NDUFAF5: variants seen among roughly 807,000 people sequenced by gnomAD.
NDUFAF5 encodes arginine-hydroxylase NDUFAF5, mitochondrial.
A neutral mutation model predicts 48.9 loss-of-function variants in NDUFAF5; 34 were observed. That is an observed-to-expected ratio of 0.70 (90% confidence interval 0.53 to 0.93). NDUFAF5 has a LOEUF of 0.93. NDUFAF5 is among the 40% of genes least tolerant of loss of function. The pLI is 0.00. For missense variants in NDUFAF5, 428 were observed against 427.5 expected, an observed-to-expected ratio of 1.00 and a Z score of -0.01; for synonymous variants, 153 against 150.6, an observed-to-expected ratio of 1.02 and a Z score of -0.12.
intron 7 of NDUFAF5, among the ~76,000 whole-genome samples, chr20:13,806,573 T>C (rs1030817779): frequency 1.3e-5 from 2 of 152,222 alleles, no homozygotes; most frequent in South Asian, 4.1e-4. Context: ...AAATAAGGCC[T>C]TCAACAAAGC....
chr20:13,813,849 T>A (rs921215112), intron 8 of NDUFAF5, among the ~76,000 whole-genome samples: 1 of 152,122 alleles, frequency 6.6e-6, no homozygotes, highest in African/African-American at 2.4e-5. Context: ...CAGTATTCCT[T>A]GAGTATATAG....
At position 13,785,250 on chromosome 20, in the gene NDUFAF5, G is replaced by A; in HGVS notation, c.182G>A (p.Arg61Gln). 1 of 1,613,100 alleles carries A rather than the reference G, an allele frequency of 6.2e-7. No individual in the cohort carries two copies. The highest frequency in any genetic ancestry group is 8.5e-7 in the Non-Finnish European group (1 of 1,179,642). Reference sequence around the variant, plus strand: ...AGGAAACAGAAGAACTGGGCAGCCCGGCAGCCCGAGCCGACCAAATTTGAC... The same window carrying A: ...AGGAAACAGAAGAACTGGGCAGCCCAGCAGCCCGAGCCGACCAAATTTGAC... ...LKRKQKNWAA[R>Q]QPEPTKFDYL... The change falls in exon 1 of 11, where the codon CGG becomes CAG. Residue 61 changes from arginine to glutamine, a missense_variant. Transcript: ENST00000378106.
Position 13,818,222 on chromosome 20 carries a change from A to G in NDUFAF5, c.*1012A>G, listed in dbSNP as rs1363435754. The G allele has an allele frequency of 1.3e-5, 6 of 454,006 alleles. No individual in the cohort carries two copies. Among genetic ancestry groups the G allele is most frequent in the Admixed American group, 9.4e-5 (4 of 42,562 alleles). The allele number at this position is 454,006 out of a possible 1,614,324, so 28.1% of individuals were successfully genotyped here. A position where few individuals can be genotyped will look rare whatever the true frequency, so the allele number is the denominator to read the frequency against. On this transcript the variant is annotated 3_prime_UTR_variant, in exon 11 of 11. Transcript: ENST00000378106. ...GTACGTAGCACATGGGACTTTCCAC[A>G]TAGTAGATATTCAGTTACATTTTGA...
intron 8 of NDUFAF5, chr20:13,814,348 C>T: frequency 1.3e-6 from 1 of 763,266 alleles, no homozygotes; most frequent in South Asian, 1.4e-5. Context: ...TGGGATTTTA[C>T]ATTTGTGGTG....
chr20:13,796,199 T>C (rs1270387662), intron 5 of NDUFAF5, among the ~76,000 whole-genome samples: 1 of 152,232 alleles, frequency 6.6e-6, no homozygotes, highest in East Asian at 1.9e-4. Context: ...GAAAGTCTTA[T>C]GTTCTGGGAA....
In NDUFAF5 at chr20:13,794,865, A is replaced by G. The variant is rs202018236; in HGVS notation, c.403A>G (p.Thr135Ala). 8 of 1,611,326 alleles carry G rather than the reference A, an allele frequency of 5.0e-6. No individual in the cohort carries two copies. In the East Asian group the frequency reaches 1.3e-4, roughly 27 times the overall value. Residue 135 changes from threonine (T) to alanine (A), a missense_variant, in exon 5 of 11, where the codon ACT becomes GCT. Transcript: ENST00000378106. ...LKNSSETEIP[T>A]VSVLADEEFL... ...AAATTCCTCAGAAACAGAAATACCT[A>G]CTGTCAGCGTTTTAGCTGATGAAGA...
chr20:13,814,382 G>C (rs956716936), intron 8 of NDUFAF5: 2 of 1,035,282 alleles, frequency 1.9e-6, no homozygotes, highest in African/African-American at 3.3e-5. Flanking sequence ...AATGGTTGTG[G>C]TGTGTCTCAT....
rs1986867030 is a variant in NDUFAF5, at chr20:13,819,939, A to G, written c.*2729A>G. Reference sequence around the variant, plus strand: ...GGAAAGAGGAACTAGGTTCTGGGAGAAAGACTCCTTTGGAATAAAATTCAT... The same window carrying G: ...GGAAAGAGGAACTAGGTTCTGGGAGGAAGACTCCTTTGGAATAAAATTCAT... On this transcript the variant is annotated 3_prime_UTR_variant, in exon 11 of 11. Transcript: ENST00000378106. 1 of 152,282 alleles carries G rather than the reference A, an allele frequency of 6.6e-6. No homozygotes were observed. The highest frequency in any genetic ancestry group is 2.1e-4 in the South Asian group (1 of 4,828). 9.4% of individuals were successfully genotyped at this position (152,282 alleles called of 1,614,324 possible). A position where few individuals can be genotyped will look rare whatever the true frequency, so the allele number is the denominator to read the frequency against.
At chr20:13,805,414 T>C (rs1317139816) in intron 7 of NDUFAF5, among the ~76,000 whole-genome samples, 1 of 152,210 alleles carries the variant, frequency 6.6e-6, no homozygotes, top group Non-Finnish European at 1.5e-5. Context: ...TTTAAAAGCC[T>C]ACATTTCTAT....
At chr20:13,789,271 T>C (rs1981803077) in intron 3 of NDUFAF5, among the ~76,000 whole-genome samples, 1 of 151,808 alleles carries the variant, frequency 6.6e-6, no homozygotes, top group Non-Finnish European at 1.5e-5. Flanking sequence ...TTTGAACGAT[T>C]CTCCTGCCGC....
intron 8 of NDUFAF5, among the ~76,000 whole-genome samples, chr20:13,809,818 A>C (rs6110051): frequency 7.0e-4 from 107 of 152,316 alleles, no homozygotes; most frequent in African/African-American, 2.5e-3. Context: ...TTCATCCCAG[A>C]GATGTTTAGG....
At chr20:13,802,666 C>T (rs1379522240) in intron 7 of NDUFAF5, among the ~76,000 whole-genome samples, 2 of 79,866 alleles carry the variant, frequency 2.5e-5, no homozygotes, top group Non-Finnish European at 4.7e-5. Context: ...GTGAAATTCC[C>T]GTCTCAAAAA....
intron 7 of NDUFAF5, among the ~76,000 whole-genome samples, chr20:13,806,488 G>T (rs571396494): frequency 3.9e-5 from 6 of 152,196 alleles, no homozygotes; most frequent in Admixed American, 3.9e-4. Flanking sequence ...CAGCCTGGGC[G>T]CTGGGTGGCA....
At position 13,794,907 on chromosome 20, in the gene NDUFAF5, G is replaced by T. The variant is rs1982940735; in HGVS notation, c.445G>T (p.Glu149Ter). 3 of 1,612,994 alleles carry T rather than the reference G, an allele frequency of 1.9e-6. No homozygotes were observed. The South Asian group carries it at 3.3e-5, about 18-fold the overall frequency. ...LADEEFLPFK[E>*]NTFDLVVSSL... ...TGATGAAGAATTCCTTCCCTTCAAA[G>T]AAAATACATTTGACCTGGTGGTTAG... Residue 149 changes from glutamate to a stop codon, truncating the protein, a stop_gained, in exon 5 of 11, where the codon GAA becomes TAA. Coordinates refer to ENST00000378106, the MANE Select transcript of NDUFAF5 (RefSeq NM_024120.5). LOFTEE classifies it high-confidence loss of function.
chr20:13,802,797 C>T (rs905628371), intron 7 of NDUFAF5, among the ~76,000 whole-genome samples: 8 of 152,058 alleles, frequency 5.3e-5, no homozygotes, highest in African/African-American at 1.9e-4. Context: ...TTCCCCATCA[C>T]TCTACTCCCA....
At chr20:13,794,290 T>C (rs1394206045) in intron 4 of NDUFAF5, among the ~76,000 whole-genome samples, 1 of 152,128 alleles carries the variant, frequency 6.6e-6, no homozygotes, top group Non-Finnish European at 1.5e-5. Context: ...TTTTTTCTTT[T>C]TTTTTTTCTG....
At chr20:13,787,054 C>T in intron 1 of NDUFAF5, 1 of 518,398 alleles carries the variant, frequency 1.9e-6, no homozygotes, top group Non-Finnish European at 3.5e-6. Context: ...ATGTAAAGGC[C>T]ACATATATAT....
At chr20:13,794,382 C>T (rs549842585) in intron 4 of NDUFAF5, among the ~76,000 whole-genome samples, 2 of 152,118 alleles carry the variant, frequency 1.3e-5, no homozygotes, top group African/African-American at 2.4e-5. Flanking sequence ...CGGGTTCAAG[C>T]GATACTCCTG....
chr20:13,793,378 A>G (rs1194861540), intron 4 of NDUFAF5, 151 bp downstream of exon 4: 5 of 716,346 alleles, frequency 7.0e-6, no homozygotes, highest in Non-Finnish European at 9.4e-6. Flanking sequence ...AGGAAAAATC[A>G]CCCCTATCAC....
Sources: gnomAD v4.1 joint callset for allele counts (sites outside exome capture counted in the v4.1 genomes callset) on GRCh38, gnomAD v4.1.1 for gene constraint, MANE v1.5 for transcripts, NCBI Gene and HGNC (gene_info 2026-07-23, HGNC 2026-07-21) for gene names.